PCSK6: variants seen among roughly 807,000 people sequenced by gnomAD.
PCSK6 encodes the protein paired basic amino acid cleaving enzyme 4.
A neutral mutation model predicts 123.3 loss-of-function variants in PCSK6; 85 were observed. That is an observed-to-expected ratio of 0.69 (90% confidence interval 0.58 to 0.83). The LOEUF is 0.83. Among genes scored for constraint, PCSK6 ranks in the 40% least tolerant of loss-of-function variants. PCSK6 has a pLI of 0.00. For missense variants in PCSK6, 1,191 were observed against 1,282.3 expected (o/e 0.93, Z 1.09); for synonymous variants, 508 against 516.0 (o/e 0.98, Z 0.21).
At chr15:101,400,678 CT>C (rs1188214019) in intron 6 of PCSK6, among the ~76,000 whole-genome samples, 2 of 152,162 alleles carry the variant, frequency 1.3e-5, no homozygotes, top group Non-Finnish European at 2.9e-5. Flanking sequence ...CATGGGTGTG[CT>C]CTTTTGATGG....
intron 7 of PCSK6, among the ~76,000 whole-genome samples, chr15:101,394,144 GTT>G (rs56222739): frequency 1.4e-5 from 2 of 141,546 alleles, no homozygotes; most frequent in Non-Finnish European, 1.5e-5. Context: ...TTTGTTTTTT[GTT>G]TTTTTTTTTT....
chr15:101,409,733 G>A (rs531477234), intron 6 of PCSK6, among the ~76,000 whole-genome samples: 1 of 152,216 alleles, frequency 6.6e-6, no homozygotes, highest in East Asian at 1.9e-4. Context: ...AAGTTAAAGG[G>A]GTGAGGGCTC....
At chr15:101,488,938 G>A (rs1425304736) in intron 1 of PCSK6, among the ~76,000 whole-genome samples, 1 of 150,110 alleles carries the variant, frequency 6.7e-6, no homozygotes, top group African/African-American at 2.4e-5. Context: ...GTCGAGGGCA[G>A]AGGGGCCGCT....
chr15:101,344,863 C>G (rs2040694797), intron 13 of PCSK6, among the ~76,000 whole-genome samples: 1 of 152,060 alleles, frequency 6.6e-6, no homozygotes, highest in Non-Finnish European at 1.5e-5. Context: ...ACCATGTAGG[C>G]CAGGCTGCTC....
chr15:101,478,239 G>A (rs1302234503), intron 1 of PCSK6, among the ~76,000 whole-genome samples: 1 of 152,156 alleles, frequency 6.6e-6, no homozygotes, highest in Non-Finnish European at 1.5e-5. Context: ...TCTGTGTAAT[G>A]GGATTAATAG....
chr15:101,341,031 G>T (rs2040592653), intron 13 of PCSK6, among the ~76,000 whole-genome samples: 1 of 149,818 alleles, frequency 6.7e-6, no homozygotes, highest in Non-Finnish European at 1.5e-5. Context: ...CGCCTCCCAG[G>T]ATCAAGCGAT....
intron 13 of PCSK6, among the ~76,000 whole-genome samples, chr15:101,348,444 G>A (rs1372339436): frequency 6.6e-6 from 1 of 152,220 alleles, no homozygotes; most frequent in African/African-American, 2.4e-5. Flanking sequence ...AAAAGAACCT[G>A]CTTCCCTGGG....
intron 5 of PCSK6, among the ~76,000 whole-genome samples, chr15:101,429,208 C>A (rs1251327271): frequency 1.3e-5 from 2 of 151,564 alleles, no homozygotes; most frequent in Admixed American, 6.6e-5. Flanking sequence ...ATGATAAGAG[C>A]TCAGGGTATG....
chr15:101,488,539 G>C (rs8041661), intron 1 of PCSK6, among the ~76,000 whole-genome samples: 117,937 of 152,090 alleles, frequency 0.78, 45,840 homozygotes, highest in East Asian at 0.8. Flanking sequence ...GTCAGGCCCC[G>C]GTCCAGGCTC....
rs1001518583 is a variant in PCSK6 at position 101,325,159 on chromosome 15, G to A, written c.2181-113C>T. The stretch of plus-strand genomic sequence containing the variant: ...GGCTTCAGGAGTGAATGTCAAACAT[G>A]ATGCCCTTTGTCTTGGTGAGTGCAG... On this transcript the variant is annotated intron_variant, in intron 16 of 21. Transcript: ENST00000611716. 101 of 708,074 alleles carry A rather than the reference G, an allele frequency of 1.4e-4. 1 individual carries two copies. The highest frequency in any genetic ancestry group is 1.2e-3 in the Middle Eastern group (3 of 2,584). The allele number at this position is 708,074 out of a possible 1,614,324, so 43.9% of individuals were successfully genotyped here.
intron 6 of PCSK6, among the ~76,000 whole-genome samples, chr15:101,424,115 G>C (rs2056174072): frequency 6.6e-6 from 1 of 151,642 alleles, no homozygotes; most frequent in Admixed American, 6.6e-5. Context: ...TTCACCTGCA[G>C]TCCCAGATAC....
Position 101,382,122 on chromosome 15 carries a change from A to G in PCSK6, c.1502T>C (p.Met501Thr), listed in dbSNP as rs115429970. 1,171 of 1,611,466 alleles carry G rather than the reference A, an allele frequency of 7.3e-4. 10 individuals are homozygous for G. The African/African-American group carries it at 0.014, about 20-fold the overall frequency. The part of the protein sequence containing the change: ...KKWTAVPSQH[M>T]CVAASDKRPR... ...TCTCTTGTCCGAGGCGGCCACACAC[A>G]TGTGCTGCGATGGCACTGCTGTCCA... The change falls in exon 11 of 22, where the codon ATG becomes ACG. Residue 501 changes from methionine to threonine, a missense_variant. By Grantham distance (81) the Met-to-Thr change is moderately conservative (BLOSUM62 -1). This residue lies in a region of PCSK6 where 630 missense variants were observed against 631.4 expected (regional missense o/e 1.00). Coordinates refer to ENST00000611716, the MANE Select transcript of PCSK6 (RefSeq NM_002570.5).
chr15:101,304,451 C>T lies in PCSK6; in HGVS notation c.*807G>A, dbSNP rs956339699. 3 of 152,100 alleles carry T rather than the reference C, an allele frequency of 2.0e-5. No homozygotes were observed. Among genetic ancestry groups the T allele is most frequent in the South Asian group, 2.1e-4 (1 of 4,834 alleles). 9.4% of individuals were successfully genotyped at this position (152,100 alleles called of 1,614,324 possible). ...TTGTTCAGAGGAATTGCTTGGCCATCGGGGTACCTTTTGGCTGGCCACAGA... is the reference window on the plus strand; with the variant it reads ...TTGTTCAGAGGAATTGCTTGGCCATTGGGGTACCTTTTGGCTGGCCACAGA... On this transcript the variant is annotated 3_prime_UTR_variant, in exon 22 of 22. Transcript: ENST00000611716.
At chr15:101,452,749 T>C (rs56201591) in intron 1 of PCSK6, among the ~76,000 whole-genome samples, 13,649 of 152,080 alleles carry the variant, frequency 0.09, 1,004 homozygotes, top group African/African-American at 0.2. Flanking sequence ...GGCAGATTGG[T>C]TACCCACAGA....
At chr15:101,348,242 C>T (rs753378470) in intron 13 of PCSK6, among the ~76,000 whole-genome samples, 27 of 152,324 alleles carry the variant, frequency 1.8e-4, no homozygotes, top group South Asian at 8.3e-4. Flanking sequence ...CAGGCTTCAC[C>T]GTGGGGGAGG....
chr15:101,379,724 G>A (rs147164644), intron 11 of PCSK6, among the ~76,000 whole-genome samples: 1 of 152,240 alleles, frequency 6.6e-6, no homozygotes, highest in Admixed American at 6.5e-5. Context: ...ATGGCTGTGT[G>A]GGAACGCTTC....
intron 18 of PCSK6, among the ~76,000 whole-genome samples, chr15:101,320,274 C>T (rs1384486138): frequency 2.0e-5 from 3 of 152,058 alleles, no homozygotes; most frequent in Non-Finnish European, 4.4e-5. Context: ...TTAGTAGAGA[C>T]AGGGTTTCGC....
At chr15:101,316,871 G>A (rs1481304984) in intron 19 of PCSK6, among the ~76,000 whole-genome samples, 1 of 149,628 alleles carries the variant, frequency 6.7e-6, no homozygotes, top group East Asian at 2.0e-4. Context: ...CTGAGGCACA[G>A]TAGTATCATG....
In PCSK6 at chr15:101,489,160, C is replaced by T. The variant is rs1191450490; in HGVS notation, c.297+214G>A. 1.6e-4 allele frequency among the ~76,000 whole-genome samples: 12 copies of T among 75,212 alleles called. 1 individual carries two copies. The East Asian group carries it at 2.5e-3, about 16-fold the overall frequency. 49.3% of individuals were successfully genotyped at this position (75,212 alleles called of 152,430 possible). On this transcript the variant is annotated intron_variant, in intron 1 of 21. Coordinates refer to ENST00000611716, the MANE Select transcript of PCSK6 (RefSeq NM_002570.5). ...GTGGGCGCCCACGCGGGACCCCAGT[C>T]CCCCCCACCCCGCCGAGTGTCCCGC...
Sources: allele counts gnomAD v4.1 joint callset (sites outside exome capture counted in the v4.1 genomes callset), GRCh38; gene constraint gnomAD v4.1.1; regional missense constraint gnomAD v4.1.1; transcripts MANE v1.5; gene names NCBI Gene and HGNC (gene_info 2026-07-23, HGNC 2026-07-21).